The following C8orf34 variants were observed in gnomAD, a reference collection of about 807,000 sequenced individuals.
The protein encoded by C8orf34 is uncharacterized protein C8orf34.
C8orf34 carries 65 observed loss-of-function variants against 68.3 expected under a neutral mutation model. That is an observed-to-expected ratio of 0.95 (90% CI 0.78 to 1.17). The LOEUF (loss-of-function observed/expected upper bound fraction) is 1.17, where lower values mean the gene tolerates loss of function less well. Ranked by LOEUF, C8orf34 falls within the 50% of genes most tolerant of loss-of-function variation. The pLI is 0.00. For missense variants in C8orf34, 664 were observed against 655.4 expected (o/e 1.01, Z -0.14); for synonymous variants, 244 against 241.2 (o/e 1.01, Z -0.11).
intron 1 of C8orf34, among the ~76,000 whole-genome samples, chr8:68,361,799 G>A (rs1321431232): frequency 6.6e-6 from 1 of 151,732 alleles, no homozygotes; most frequent in Non-Finnish European, 1.5e-5. Flanking sequence ...GTGAATAAAG[G>A]CATACAAAAT....
At chr8:68,598,578 A>G (rs1334377235) in intron 7 of C8orf34, among the ~76,000 whole-genome samples, 1 of 152,120 alleles carries the variant, frequency 6.6e-6, no homozygotes. Context: ...TGAAAAATAG[A>G]TTTCTCTATT....
intron 1 of C8orf34, among the ~76,000 whole-genome samples, chr8:68,396,398 C>G (rs1458334267): frequency 6.6e-6 from 1 of 151,926 alleles, no homozygotes; most frequent in Non-Finnish European, 1.5e-5. Flanking sequence ...TAAACTTGGG[C>G]AAGTCAGTTT....
At chr8:68,361,570 A>G (rs1207463781) in intron 1 of C8orf34, among the ~76,000 whole-genome samples, 5 of 152,238 alleles carry the variant, frequency 3.3e-5, no homozygotes, top group African/African-American at 1.2e-4. Context: ...GTTGAATTAA[A>G]TATGTTTTGA....
intron 7 of C8orf34, among the ~76,000 whole-genome samples, chr8:68,558,548 T>C (rs910031836): frequency 6.6e-6 from 1 of 151,948 alleles, no homozygotes; most frequent in Admixed American, 6.6e-5. Context: ...TCTATAATTG[T>C]TAGTAATATG....
chr8:68,378,655 T>A (rs1359842116), intron 1 of C8orf34, among the ~76,000 whole-genome samples: 2 of 152,212 alleles, frequency 1.3e-5, no homozygotes, highest in Non-Finnish European at 2.9e-5. Flanking sequence ...TCCTTGGTGA[T>A]GTTCCTGAGC....
chr8:68,489,485 G>A (rs1390033817), intron 5 of C8orf34, among the ~76,000 whole-genome samples: 1 of 152,170 alleles, frequency 6.6e-6, no homozygotes, highest in East Asian at 1.9e-4. Context: ...TGGGACCAAA[G>A]TCTAAAACAA....
intron 8 of C8orf34, 63 bp from the exon 9 acceptor site, chr8:68,708,930 GC>G (rs1821252268): frequency 6.9e-6 from 8 of 1,153,816 alleles, no homozygotes; most frequent in Admixed American, 2.0e-5. Flanking sequence ...CCCCCATGGT[GC>G]ATAGTTCACA....
chr8:68,413,126 C>T (rs1343428582), intron 1 of C8orf34, among the ~76,000 whole-genome samples: 1 of 152,190 alleles, frequency 6.6e-6, no homozygotes, highest in Non-Finnish European at 1.5e-5. Flanking sequence ...ATTGTGACCA[C>T]AAATCTCAAG....
intron 1 of C8orf34, among the ~76,000 whole-genome samples, chr8:68,352,751 G>A (rs1327320304): frequency 6.6e-6 from 1 of 152,078 alleles, no homozygotes; most frequent in East Asian, 1.9e-4. Flanking sequence ...CAATTTCATT[G>A]TAGGAATGTA....
chr8:68,694,233 A>G (rs544868574), intron 8 of C8orf34, among the ~76,000 whole-genome samples: 1 of 152,228 alleles, frequency 6.6e-6, no homozygotes, highest in South Asian at 2.1e-4. Context: ...CCTTAAGTGC[A>G]TCTGGCTTCC....
intron 9 of C8orf34, among the ~76,000 whole-genome samples, chr8:68,710,266 T>A (rs1414492140): frequency 6.6e-6 from 1 of 152,200 alleles, no homozygotes; most frequent in Non-Finnish European, 1.5e-5. Flanking sequence ...GGATCACCGC[T>A]GCAGGCTCCC....
chr8:68,461,135 G>A (rs1032205481), intron 3 of C8orf34, among the ~76,000 whole-genome samples: 43 of 152,218 alleles, frequency 2.8e-4, no homozygotes, highest in Non-Finnish European at 4.4e-4. Flanking sequence ...GGAGAACTAC[G>A]TGAAGAATGC....
chr8:68,554,279 T>G (rs990837319), intron 7 of C8orf34, among the ~76,000 whole-genome samples: 1 of 152,160 alleles, frequency 6.6e-6, no homozygotes, highest in African/African-American at 2.4e-5. Context: ...AGCCATTTAT[T>G]AATGCATAGG....
At chr8:68,565,445 A>G (rs1033367234) in intron 7 of C8orf34, among the ~76,000 whole-genome samples, 1 of 152,214 alleles carries the variant, frequency 6.6e-6, no homozygotes, top group African/African-American at 2.4e-5. Context: ...CTCTGAGGAT[A>G]TGCAAAGCAG....
At chr8:68,578,957 T>C (rs1816984329) in intron 7 of C8orf34, among the ~76,000 whole-genome samples, 1 of 152,110 alleles carries the variant, frequency 6.6e-6, no homozygotes, top group South Asian at 2.1e-4. Flanking sequence ...TCCTCGGCGA[T>C]TTAGCATGCA....
At chr8:68,359,415 T>C (rs1806889401) in intron 1 of C8orf34, among the ~76,000 whole-genome samples, 1 of 152,164 alleles carries the variant, frequency 6.6e-6, no homozygotes, top group African/African-American at 2.4e-5. Flanking sequence ...GGTACTGTAT[T>C]TGCATACTAA....
chr8:68,463,119 A>G (rs929661095), intron 3 of C8orf34, among the ~76,000 whole-genome samples: 6 of 152,164 alleles, frequency 3.9e-5, no homozygotes, highest in African/African-American at 1.4e-4. Flanking sequence ...ATCACCACTG[A>G]TCCCACAGAA....
chr8:68,776,497 T>C lies in C8orf34; in HGVS notation c.1455+48T>C, dbSNP rs374860073. ...AATGTAGTCTGAAATCAGTTTATGA[T>C]ACAGGATGAAGCACTCACTTAGGCT... On this transcript the variant is annotated intron_variant, in intron 11 of 13. Coordinates refer to ENST00000518698, the MANE Select transcript of C8orf34 (RefSeq NM_052958.4). The C allele has an allele frequency of 3.5e-5, 51 of 1,477,676 alleles. No homozygotes were observed. The African/African-American group carries it at 5.7e-4, about 16-fold the overall frequency. The allele number at this position is 1,477,676 out of a possible 1,614,324, so 91.5% of individuals were successfully genotyped here. A position where few individuals can be genotyped will look rare whatever the true frequency, so the allele number is the denominator to read the frequency against.
chr8:68,652,128 AG>A (rs1449229273), intron 8 of C8orf34, among the ~76,000 whole-genome samples: 1 of 152,216 alleles, frequency 6.6e-6, no homozygotes, highest in African/African-American at 2.4e-5. Flanking sequence ...TCCTTAAGCA[AG>A]ATGCCTGACA....
Sources: gnomAD v4.1 joint callset for allele counts (sites outside exome capture counted in the v4.1 genomes callset) on GRCh38, gnomAD v4.1.1 for gene constraint, MANE v1.5 for transcripts, NCBI Gene and HGNC (gene_info 2026-07-23, HGNC 2026-07-21) for gene names.